Variants in CCDC102B observed in about 807,000 individuals in gnomAD.
CCDC102B encodes coiled-coil domain containing 102B.
Under a neutral mutation model 57.4 loss-of-function variants are expected in CCDC102B, and 75 were observed. The ratio of observed to expected loss-of-function variants is 1.31; its 90% CI spans 1.08 to 1.58. CCDC102B has a LOEUF of 1.58. CCDC102B is among the 40% of genes most tolerant of loss of function. CCDC102B has a pLI of 0.00. For synonymous variants in CCDC102B, 206 were observed against 201.9 expected, an observed-to-expected ratio of 1.02 and a Z score of -0.17; for missense variants, 636 against 582.6, an observed-to-expected ratio of 1.09 and a Z score of -0.94.
At chr18:69,013,286 A>G (rs2885726) in intron 7 of CCDC102B, among the ~76,000 whole-genome samples, 130,310 of 152,022 alleles carry the variant, frequency 0.86, 57,821 homozygotes, top group Non-Finnish European at 0.97. Flanking sequence ...ACACAGAAAG[A>G]CAAATACCAC....
intron 6 of CCDC102B, among the ~76,000 whole-genome samples, chr18:68,904,504 T>C (rs2040557197): frequency 6.6e-6 from 1 of 152,178 alleles, no homozygotes; most frequent in Non-Finnish European, 1.5e-5. Context: ...CAATGGTCTT[T>C]TGCCAAGTAA....
intron 2 of CCDC102B, among the ~76,000 whole-genome samples, chr18:68,790,390 T>A (rs924747468): frequency 1.3e-5 from 2 of 151,982 alleles, no homozygotes; most frequent in Non-Finnish European, 2.9e-5. Context: ...TTTGTTTACC[T>A]AAGCAAGCCT....
chr18:68,716,408 G>A (rs1163573749), intron 1 of CCDC102B: 3 of 151,966 alleles, frequency 2.0e-5, no homozygotes, highest in Admixed American at 1.3e-4. Flanking sequence ...AACAACAAAA[G>A]CCAGTTGACC....
intron 1 of CCDC102B, among the ~76,000 whole-genome samples, chr18:68,824,333 T>G (rs892600670): frequency 6.6e-6 from 1 of 152,258 alleles, no homozygotes; most frequent in Non-Finnish European, 1.5e-5. Flanking sequence ...TGCTTGTTTT[T>G]GTTGGCTTTT....
intron 1 of CCDC102B, among the ~76,000 whole-genome samples, chr18:68,805,377 G>T (rs2035997324): frequency 6.6e-6 from 1 of 152,160 alleles, no homozygotes; most frequent in South Asian, 2.1e-4. Context: ...ATAGCAATGG[G>T]TGTGTTTTCT....
chr18:68,836,970 T>C lies in CCDC102B; in HGVS notation c.207T>C (p.Ile69=), dbSNP rs371049398. 51 of 1,613,942 alleles carry C rather than the reference T, an allele frequency of 3.2e-5. No homozygotes were observed. In the Middle Eastern group the frequency reaches 1.2e-3, roughly 36 times the overall value. The change falls in exon 2 of 8, where the codon ATT becomes ATC. Residue 69 remains isoleucine (I), a synonymous_variant. Transcript: ENST00000360242. The part of the protein sequence containing the change: ...AHSYNTNKWD[I]CEELRLRELE... ...CATATAACACCAACAAATGGGATATTTGTGAAGAACTTCGCCTGCGGGAGC... is the reference window on the plus strand; with the variant it reads ...CATATAACACCAACAAATGGGATATCTGTGAAGAACTTCGCCTGCGGGAGC...
At chr18:68,989,807 A>G (rs1480790806) in intron 6 of CCDC102B, among the ~76,000 whole-genome samples, 3 of 152,154 alleles carry the variant, frequency 2.0e-5, no homozygotes, top group Non-Finnish European at 2.9e-5. Context: ...CATTAGAGGT[A>G]CAGGCCCTGT....
At chr18:68,805,965 A>G (rs1174632437) in intron 1 of CCDC102B, among the ~76,000 whole-genome samples, 2 of 152,160 alleles carry the variant, frequency 1.3e-5, no homozygotes, top group African/African-American at 2.4e-5. Context: ...TAACATTTTG[A>G]TCAGTCCTAC....
chr18:68,828,649 C>CT (rs2037013078), intron 1 of CCDC102B, among the ~76,000 whole-genome samples: 1 of 151,568 alleles, frequency 6.6e-6, no homozygotes, highest in Admixed American at 6.6e-5. Flanking sequence ...AGCCAATAAT[C>CT]TAAGTTCCTA....
At chr18:68,763,901 A>G (rs1176420524) in intron 2 of CCDC102B, among the ~76,000 whole-genome samples, 2 of 152,060 alleles carry the variant, frequency 1.3e-5, no homozygotes, top group Non-Finnish European at 2.9e-5. Context: ...TCATCATATA[A>G]TAATTACCCT....
intron 2 of CCDC102B, among the ~76,000 whole-genome samples, chr18:68,763,746 C>A (rs2034330830): frequency 7.4e-6 from 1 of 134,728 alleles, no homozygotes; most frequent in African/African-American, 3.2e-5. Context: ...TCAATACAGA[C>A]AAATATTCCT....
intron 6 of CCDC102B, among the ~76,000 whole-genome samples, chr18:68,982,677 G>A (rs2050622904): frequency 6.6e-6 from 1 of 151,540 alleles, no homozygotes; most frequent in Non-Finnish European, 1.5e-5. Context: ...ATCTATAACT[G>A]AAAAATAATT....
At chr18:68,862,083 T>G (rs2038785964) in intron 4 of CCDC102B, among the ~76,000 whole-genome samples, 1 of 152,206 alleles carries the variant, frequency 6.6e-6, no homozygotes, top group Non-Finnish European at 1.5e-5. Context: ...CCACACATCA[T>G]CTTGTATTTC....
At chr18:68,980,000 G>T (rs750588356) in intron 6 of CCDC102B, among the ~76,000 whole-genome samples, 1 of 151,958 alleles carries the variant, frequency 6.6e-6, no homozygotes, top group Non-Finnish European at 1.5e-5. Context: ...TGGAGTAGGC[G>T]CATGAACCTG....
At chr18:69,020,163 T>C (rs904390035) in intron 7 of CCDC102B, among the ~76,000 whole-genome samples, 2 of 152,116 alleles carry the variant, frequency 1.3e-5, no homozygotes, top group Admixed American at 1.3e-4. Context: ...TTAAAAGATA[T>C]ATAAATCGGT....
chr18:68,879,031 G>T (rs556159297), intron 5 of CCDC102B, among the ~76,000 whole-genome samples: 2 of 152,086 alleles, frequency 1.3e-5, no homozygotes, highest in Non-Finnish European at 2.9e-5. Flanking sequence ...TCGTGGTCTC[G>T]CTGGCTCAGG....
chr18:68,805,514 C>G (rs2036001990), intron 1 of CCDC102B, among the ~76,000 whole-genome samples: 1 of 152,082 alleles, frequency 6.6e-6, no homozygotes, highest in Non-Finnish European at 1.5e-5. Flanking sequence ...TTTGTTAAAA[C>G]TGGAGCACAG....
chr18:68,866,169 G>A (rs2038967685), intron 4 of CCDC102B, among the ~76,000 whole-genome samples: 1 of 152,138 alleles, frequency 6.6e-6, no homozygotes, highest in South Asian at 2.1e-4. Context: ...TTAAGCAATT[G>A]TGTACGCATA....
intron 2 of CCDC102B, among the ~76,000 whole-genome samples, chr18:68,759,888 T>C (rs2145265570): frequency 6.6e-6 from 1 of 152,134 alleles, no homozygotes; most frequent in East Asian, 1.9e-4. Flanking sequence ...TCACCCCTCT[T>C]TGGGGGTTAC....
Sources: gnomAD v4.1 joint callset for allele counts (sites outside exome capture counted in the v4.1 genomes callset) on GRCh38, gnomAD v4.1.1 for gene constraint, MANE v1.5 for transcripts, NCBI Gene and HGNC (gene_info 2026-07-23, HGNC 2026-07-21) for gene names.